Variants in NTRK2 observed in about 807,000 individuals in gnomAD.
The protein encoded by NTRK2 is BDNF/NT-3 growth factors receptor.
Under a neutral mutation model 94.5 loss-of-function variants are expected in NTRK2, and 13 were observed. The ratio of observed to expected loss-of-function variants is 0.14; its 90% CI spans 0.09 to 0.22. The LOEUF (loss-of-function observed/expected upper bound fraction) is 0.22. Among genes scored for constraint, NTRK2 ranks in the 10% least tolerant of loss-of-function variants. The probability of loss-of-function intolerance (pLI) is 1.00; values close to 1 mark genes in which losing one functional copy is unlikely to be tolerated. For missense variants in NTRK2, 639 were observed against 1,071.2 expected (o/e 0.60, Z 5.63); for synonymous variants, 372 against 407.4 (o/e 0.91, Z 1.05).
intron 11 of NTRK2, among the ~76,000 whole-genome samples, chr9:84,747,893 C>A (rs577562738): frequency 1.3e-5 from 2 of 152,048 alleles, no homozygotes; most frequent in African/African-American, 4.8e-5. Flanking sequence ...TATGACTTTG[C>A]GGAAGGCTCC....
chr9:84,777,627 A>T (rs1424149047), intron 12 of NTRK2, among the ~76,000 whole-genome samples: 1 of 152,178 alleles, frequency 6.6e-6, no homozygotes. Flanking sequence ...TCAAGGATAC[A>T]GTGGGGTTGG....
Position 85,026,017 on chromosome 9 carries a change from T to G in NTRK2, c.*4580T>G, listed in dbSNP as rs949946982. On this transcript the variant is annotated 3_prime_UTR_variant, in exon 19 of 19. Transcript: ENST00000277120. ...TGCTCAAGTCAAAGGTTCTTGAATA[T>G]CCTTAGTTTTTGCATTTCCCCTCCT... 2.0e-4 allele frequency: 46 copies of G among 231,854 alleles called. 3 individuals carry two copies. Among genetic ancestry groups the G allele is most frequent in the South Asian group, 7.3e-4 (4 of 5,506 alleles). The allele number at this position is 231,854 out of a possible 1,614,324, so 14.4% of individuals were successfully genotyped here.
At chr9:84,841,072 T>C (rs1291737247) in intron 12 of NTRK2, among the ~76,000 whole-genome samples, 1 of 152,196 alleles carries the variant, frequency 6.6e-6, no homozygotes, top group Non-Finnish European at 1.5e-5. Context: ...CCTCTCCAGC[T>C]GCTCTCCCTC....
intron 17 of NTRK2, among the ~76,000 whole-genome samples, chr9:85,001,317 G>A (rs1280588212): frequency 6.6e-6 from 1 of 152,144 alleles, no homozygotes; most frequent in Non-Finnish European, 1.5e-5. Flanking sequence ...AGACAAAAAG[G>A]CTAAAAGTAG....
At chr9:84,893,935 A>C (rs2076671802) in intron 14 of NTRK2, among the ~76,000 whole-genome samples, 1 of 152,164 alleles carries the variant, frequency 6.6e-6, no homozygotes, top group Non-Finnish European at 1.5e-5. Context: ...TACATTCAGG[A>C]ACAAAGAGAG....
chr9:84,886,352 G>A (rs1458358735), intron 14 of NTRK2, among the ~76,000 whole-genome samples: 3 of 152,272 alleles, frequency 2.0e-5, no homozygotes, highest in Admixed American at 6.5e-5. Flanking sequence ...AAGAAGCTTC[G>A]AAAGCTTTTG....
rs938796561 is a variant in NTRK2 at position 84,702,147 on chromosome 9, G to T, written c.213-12G>T. The T allele has an allele frequency of 3.1e-6, 5 of 1,612,836 alleles. No individual in the cohort carries two copies. Among genetic ancestry groups the T allele is most frequent in the Non-Finnish European group, 4.2e-6 (5 of 1,179,040 alleles). ...TCTGAGTCACTGCGATTCACTCTCTGCTTTGTTACAGTTTCATCGCAAACC... is the reference window on the plus strand; with the variant it reads ...TCTGAGTCACTGCGATTCACTCTCTTCTTTGTTACAGTTTCATCGCAAACC... On this transcript the variant is annotated splice_polypyrimidine_tract_variant and intron_variant, in intron 2 of 18. Coordinates refer to ENST00000277120, the MANE Select transcript of NTRK2 (RefSeq NM_006180.6).
chr9:84,964,454 A>G (rs1490952025), intron 17 of NTRK2, among the ~76,000 whole-genome samples: 1 of 152,140 alleles, frequency 6.6e-6, no homozygotes, highest in Non-Finnish European at 1.5e-5. Context: ...TCTTTTGGGA[A>G]GTTTTTCCTT....
chr9:84,671,379 A>G (rs1424645274), intron 2 of NTRK2, among the ~76,000 whole-genome samples: 2 of 152,192 alleles, frequency 1.3e-5, no homozygotes, highest in Admixed American at 6.5e-5. Context: ...TAAAATAATT[A>G]ACTTTCCCAA....
At chr9:84,852,827 G>A (rs1286992025) in intron 12 of NTRK2, among the ~76,000 whole-genome samples, 2 of 152,210 alleles carry the variant, frequency 1.3e-5, no homozygotes, top group African/African-American at 4.8e-5. Flanking sequence ...TTCCAGGCAA[G>A]TCTAATTTCA....
chr9:84,932,303 T>G (rs2078064858), intron 14 of NTRK2, among the ~76,000 whole-genome samples: 1 of 152,108 alleles, frequency 6.6e-6, no homozygotes, highest in Non-Finnish European at 1.5e-5. Context: ...GAGAGAGAGA[T>G]TCAAGATCTG....
At chr9:85,006,115 G>A (rs868059101) in intron 17 of NTRK2, among the ~76,000 whole-genome samples, 5 of 152,246 alleles carry the variant, frequency 3.3e-5, no homozygotes, top group Middle Eastern at 3.4e-3. Flanking sequence ...CATGGTTAAG[G>A]AAAAAGAAAC....
intron 14 of NTRK2, chr9:84,873,560 G>T: frequency 9.5e-7 from 1 of 1,053,956 alleles, no homozygotes; most frequent in Non-Finnish European, 1.1e-6. Context: ...AACTCCAAAG[G>T]AGATGATAAG....
intron 5 of NTRK2, among the ~76,000 whole-genome samples, chr9:84,710,191 C>T (rs1350117057): frequency 6.6e-6 from 1 of 152,136 alleles, no homozygotes; most frequent in Non-Finnish European, 1.5e-5. Flanking sequence ...TGTTCTGCCC[C>T]CTGCTGAAGT....
intron 2 of NTRK2, among the ~76,000 whole-genome samples, chr9:84,681,713 C>T (rs907195476): frequency 1.3e-5 from 2 of 152,204 alleles, no homozygotes; most frequent in South Asian, 2.1e-4. Context: ...ATACGCCACA[C>T]TGTAGCTGGA....
chr9:84,985,036 C>A (rs1828130821), intron 17 of NTRK2, among the ~76,000 whole-genome samples: 2 of 152,226 alleles, frequency 1.3e-5, no homozygotes, highest in East Asian at 1.9e-4. Flanking sequence ...GCTACAGATA[C>A]AAGACTGTGT....
chr9:84,675,324 CTTTTTTTTTTTT>C (rs536445167), intron 2 of NTRK2, among the ~76,000 whole-genome samples: 9 of 67,324 alleles, frequency 1.3e-4, no homozygotes, highest in South Asian at 7.2e-4. Context: ...TCTTTCTTTC[CTTTTTTTTTTTT>C]TTTTTTTTTT....
At chr9:84,961,884 T>C (rs1824978805) in intron 17 of NTRK2, among the ~76,000 whole-genome samples, 1 of 152,176 alleles carries the variant, frequency 6.6e-6, no homozygotes, top group African/African-American at 2.4e-5. Context: ...CCTAAATTGT[T>C]CCATTTGCAA....
intron 17 of NTRK2, among the ~76,000 whole-genome samples, chr9:84,980,354 TTTG>T: frequency 6.6e-6 from 1 of 152,222 alleles, no homozygotes; most frequent in Middle Eastern, 3.2e-3. Flanking sequence ...GTTTTCTTCT[TTTG>T]ACTTACTTAC....
Sources: gnomAD v4.1 joint callset for allele counts (sites outside exome capture counted in the v4.1 genomes callset) on GRCh38, gnomAD v4.1.1 for gene constraint, MANE v1.5 for transcripts, NCBI Gene and HGNC (gene_info 2026-07-23, HGNC 2026-07-21) for gene names.